The following DGLUCY variants were observed in gnomAD, a reference collection of about 807,000 sequenced individuals.
The protein encoded by DGLUCY is D-glutamate cyclase, mitochondrial.
DGLUCY carries 58 observed loss-of-function variants against 58.5 expected under a neutral mutation model. The ratio of observed to expected loss-of-function variants is 0.99; its 90% CI spans 0.80 to 1.23. The LOEUF (loss-of-function observed/expected upper bound fraction) is 1.23, where lower values mean the gene tolerates loss of function less well. Ranked by LOEUF, DGLUCY falls within the 50% of genes most tolerant of loss-of-function variation. The pLI, the probability that DGLUCY is intolerant of heterozygous loss-of-function variation, is 0.00. For missense variants in DGLUCY, 779 were observed against 784.7 expected, an observed-to-expected ratio of 0.99 and a Z score of 0.09; for synonymous variants, 325 against 314.1, an observed-to-expected ratio of 1.03 and a Z score of -0.37.
At chr14:91,102,736 A>AGTGTGTGTGT (rs1288611586) in intron 1 of DGLUCY, among the ~76,000 whole-genome samples, 1,277 of 60,730 alleles carry the variant, frequency 0.021, 29 homozygotes, top group Middle Eastern at 0.039. Context: ...GACCCCTTCC[A>AGTGTGTGTGT]GTGTGTATGT....
At chr14:91,218,489 G>A (rs751674891) in intron 13 of DGLUCY, among the ~76,000 whole-genome samples, 5 of 150,408 alleles carry the variant, frequency 3.3e-5, no homozygotes, top group Admixed American at 6.6e-5. Flanking sequence ...TGCAACCTCC[G>A]CCTCCCAGGT....
chr14:91,193,231 TGCCGACG>T (rs1279164899), intron 9 of DGLUCY, among the ~76,000 whole-genome samples: 2 of 152,192 alleles, frequency 1.3e-5, no homozygotes, highest in Non-Finnish European at 2.9e-5. Flanking sequence ...GAGGAAGGGC[TGCCGACG>T]GCGTAGAGCA....
At chr14:91,169,950 A>G (rs1595825712) in intron 4 of DGLUCY, 53 bp from the exon 5 acceptor site, 1 of 1,545,120 alleles carries the variant, frequency 6.5e-7, no homozygotes, top group Non-Finnish European at 8.9e-7. Flanking sequence ...ATGTATTATC[A>G]GGGGCCACAG....
At chr14:91,094,295 T>A (rs1356935742) in intron 1 of DGLUCY, among the ~76,000 whole-genome samples, 2 of 151,398 alleles carry the variant, frequency 1.3e-5, no homozygotes, top group Non-Finnish European at 2.9e-5. Flanking sequence ...ATTAGCCGGG[T>A]GCGGTGGCAG....
intron 13 of DGLUCY, among the ~76,000 whole-genome samples, chr14:91,224,193 A>C (rs1275384826): frequency 6.6e-6 from 1 of 152,196 alleles, no homozygotes; most frequent in Non-Finnish European, 1.5e-5. Context: ...AATAGCCTGC[A>C]CTGCACCTGC....
intron 4 of DGLUCY, among the ~76,000 whole-genome samples, chr14:91,168,943 C>T (rs1201207948): frequency 1.3e-5 from 2 of 151,926 alleles, no homozygotes; most frequent in African/African-American, 2.4e-5. Context: ...AGAAATTAGC[C>T]GGGCATGGTG....
At chr14:91,142,198 G>A (rs1006917193) in intron 1 of DGLUCY, among the ~76,000 whole-genome samples, 2 of 152,248 alleles carry the variant, frequency 1.3e-5, no homozygotes, top group Admixed American at 6.5e-5. Context: ...CTGGAGCTTG[G>A]CATTCAGTCT....
At chr14:91,120,609 A>G (rs1418283313) in intron 1 of DGLUCY, among the ~76,000 whole-genome samples, 3 of 151,914 alleles carry the variant, frequency 2.0e-5, no homozygotes, top group Non-Finnish European at 2.9e-5. Context: ...ACAGCATTTC[A>G]CCATGTTGGC....
intron 1 of DGLUCY, among the ~76,000 whole-genome samples, chr14:91,123,474 T>G (rs1201659558): frequency 1.2e-5 from 1 of 81,568 alleles, no homozygotes; most frequent in Non-Finnish European, 2.3e-5. Context: ...AGAGATGAGG[T>G]GGAGACAGTT....
At chr14:91,077,554 C>A (rs1259039740) in intron 1 of DGLUCY, among the ~76,000 whole-genome samples, 1 of 151,762 alleles carries the variant, frequency 6.6e-6, no homozygotes, top group African/African-American at 2.4e-5. Flanking sequence ...TAGATCGAGA[C>A]CATCCTGGCC....
At chr14:91,134,984 G>A (rs1388758639) in intron 1 of DGLUCY, among the ~76,000 whole-genome samples, 1 of 151,888 alleles carries the variant, frequency 6.6e-6, no homozygotes, top group Admixed American at 6.6e-5. Flanking sequence ...GAGTGCATTG[G>A]TGTGATCTCT....
At chr14:91,166,927 G>A (rs1356508735) in intron 3 of DGLUCY, among the ~76,000 whole-genome samples, 1 of 152,078 alleles carries the variant, frequency 6.6e-6, no homozygotes, top group African/African-American at 2.4e-5. Flanking sequence ...TGGAACAGTT[G>A]GCCCAACATG....
Position 91,200,584 on chromosome 14 carries a change from A to G in DGLUCY, c.1444+679A>G, listed in dbSNP as rs542530826. Reference sequence around the variant, plus strand: ...TATCTAATATATGATTAATATTTCAATTTTTTTTTTGAGACAGAGTCTCAC... The same window carrying G: ...TATCTAATATATGATTAATATTTCAGTTTTTTTTTTGAGACAGAGTCTCAC... On this transcript the variant is annotated intron_variant, in intron 11 of 13. Coordinates refer to ENST00000256324, the MANE Select transcript of DGLUCY (RefSeq NM_001102368.3). Among the ~76,000 whole-genome samples, 11 of 150,244 alleles carry G rather than the reference A, an allele frequency of 7.3e-5. 2 individuals are homozygous for G. The South Asian group carries it at 2.3e-3, about 32-fold the overall frequency.
chr14:91,105,561 C>T (rs137899371), upstream of DGLUCY, among the ~76,000 whole-genome samples: 1 of 152,210 alleles, frequency 6.6e-6, no homozygotes, highest in East Asian at 1.9e-4. Flanking sequence ...AACAGGAGAG[C>T]AACATAGAGG....
At chr14:91,184,659 A>AG (rs2049392172) in intron 8 of DGLUCY, among the ~76,000 whole-genome samples, 4 of 17,560 alleles carry the variant, frequency 2.3e-4, no homozygotes, top group Non-Finnish European at 3.2e-4. Flanking sequence ...GAGGGAGGGA[A>AG]GGAGGGAGGG....
rs1208508169 is a variant in DGLUCY at position 91,170,173 on chromosome 14, C to A, written c.428C>A (p.Ala143Glu). The change falls in exon 5 of 14, where the codon GCA becomes GAA. Residue 143 changes from alanine (A) to glutamate (E), a missense_variant. Ala to Glu is a moderately radical substitution (Grantham distance 107). Coordinates refer to ENST00000256324, the MANE Select transcript of DGLUCY (RefSeq NM_001102368.3). ...GCGGGGCTCCCCAGAAGAGACCCAG[C>A]AGGTCACAGCCAGGCGGGTGCATAC... ...EKAGLPRRDP[A>E]GHSQAGAYKT... 4 of 1,613,656 alleles carry A rather than the reference C, an allele frequency of 2.5e-6. No homozygotes were observed.
At chr14:91,161,295 CT>C (rs1446554002) in intron 3 of DGLUCY, among the ~76,000 whole-genome samples, 1 of 152,244 alleles carries the variant, frequency 6.6e-6, no homozygotes, top group Non-Finnish European at 1.5e-5. Context: ...TGGTCTCCAT[CT>C]CCTGACCTCG....
intron 2 of DGLUCY, among the ~76,000 whole-genome samples, chr14:91,159,641 G>A (rs1201020262): frequency 6.6e-6 from 1 of 152,180 alleles, no homozygotes; most frequent in African/African-American, 2.4e-5. Context: ...ATAAGGCACT[G>A]TGCCTAGAGT....
chr14:91,089,062 C>T (rs775272102), intron 1 of DGLUCY, among the ~76,000 whole-genome samples: 10 of 152,176 alleles, frequency 6.6e-5, no homozygotes, highest in Non-Finnish European at 1.5e-4. Flanking sequence ...AAGGAATTGT[C>T]CATTCCGCAC....
Sources: gnomAD v4.1 joint callset for allele counts (sites outside exome capture counted in the v4.1 genomes callset) on GRCh38, gnomAD v4.1.1 for gene constraint, MANE v1.5 for transcripts, NCBI Gene and HGNC (gene_info 2026-07-23, HGNC 2026-07-21) for gene names.